The following ZNRF2 variants were observed in gnomAD, a reference collection of about 807,000 sequenced individuals.
ZNRF2 encodes E3 ubiquitin-protein ligase ZNRF2.
ZNRF2 carries 16 observed loss-of-function variants against 20.4 expected under a neutral mutation model. That is an observed-to-expected ratio of 0.79 (90% CI 0.53 to 1.19). ZNRF2 has a LOEUF of 1.19. Among genes scored for constraint, ZNRF2 ranks in the 50% most tolerant of loss-of-function variants. The pLI, the probability that ZNRF2 is intolerant of heterozygous loss-of-function variation, is 0.00. For missense variants in ZNRF2, 363 were observed against 332.4 expected (o/e 1.09, Z -0.72); for synonymous variants, 178 against 144.9 (o/e 1.23, Z -1.64).
intron 1 of ZNRF2, among the ~76,000 whole-genome samples, chr7:30,315,312 T>C (rs1431688361): frequency 1.3e-5 from 2 of 152,242 alleles, no homozygotes. Flanking sequence ...AGACCCCCTA[T>C]GATTGTTGCA....
intron 1 of ZNRF2, among the ~76,000 whole-genome samples, chr7:30,315,987 A>C (rs189112288): frequency 6.6e-6 from 1 of 152,172 alleles, no homozygotes; most frequent in Non-Finnish European, 1.5e-5. Flanking sequence ...TATGAAAAAA[A>C]TAAAGTAAAA....
chr7:30,311,830 T>C (rs994294821), intron 1 of ZNRF2, among the ~76,000 whole-genome samples: 5 of 152,188 alleles, frequency 3.3e-5, no homozygotes, highest in African/African-American at 1.2e-4. Context: ...ACGTTACTGA[T>C]TACAGTCAGG....
intron 4 of ZNRF2, among the ~76,000 whole-genome samples, chr7:30,364,661 A>G (rs1195721010): frequency 3.3e-5 from 5 of 152,218 alleles, no homozygotes; most frequent in Admixed American, 3.3e-4. Context: ...CTAAAATTAT[A>G]GAAGCATTTT....
intron 2 of ZNRF2, among the ~76,000 whole-genome samples, chr7:30,334,448 CT>C (rs1799686841): frequency 6.6e-6 from 1 of 152,034 alleles, no homozygotes; most frequent in Admixed American, 6.6e-5. Flanking sequence ...GCATTGTTCT[CT>C]TTGCTTAGGT....
chr7:30,323,355 C>T (rs116960225), intron 1 of ZNRF2, among the ~76,000 whole-genome samples: 1,869 of 152,156 alleles, frequency 0.012, 16 homozygotes, highest in South Asian at 0.041. Context: ...AAATTAAAAA[C>T]GAGAATACCT....
At chr7:30,359,779 G>A (rs1029671336) in intron 3 of ZNRF2, among the ~76,000 whole-genome samples, 9 of 152,040 alleles carry the variant, frequency 5.9e-5, no homozygotes, top group African/African-American at 9.7e-5. Flanking sequence ...ATTTACAGTC[G>A]TGTTCTATTT....
At chr7:30,295,050 A>AGAGAGAGAGAGAGAGT (rs1412764480) in intron 1 of ZNRF2, among the ~76,000 whole-genome samples, 7 of 38,282 alleles carry the variant, frequency 1.8e-4, no homozygotes, top group South Asian at 1.1e-3. Flanking sequence ...AGAGAGAGAG[A>AGAGAGAGAGAGAGAGT]GTGTGTGTGT....
intron 3 of ZNRF2, among the ~76,000 whole-genome samples, chr7:30,362,066 G>C (rs1366949868): frequency 6.6e-6 from 1 of 152,082 alleles, no homozygotes; most frequent in African/African-American, 2.4e-5. Context: ...GTTTTGAAAA[G>C]AAAAATTATG....
chr7:30,309,686 G>C (rs1445743000), intron 1 of ZNRF2, among the ~76,000 whole-genome samples: 4 of 152,196 alleles, frequency 2.6e-5, no homozygotes, highest in African/African-American at 9.6e-5. Context: ...AAGAAGGAAA[G>C]TACAGGAAAC....
Position 30,323,717 on chromosome 7 carries a change from A to G in ZNRF2, c.545A>G (p.Lys182Arg). 6.3e-7 allele frequency: 1 copy of G among 1,593,902 alleles called. No individual in the cohort carries two copies. Among genetic ancestry groups the G allele is most frequent in the Non-Finnish European group, 8.5e-7 (1 of 1,171,764 alleles). The change falls in exon 2 of 5, where the codon AAG (lysine) becomes AGG (arginine). Residue 182 changes from lysine (K) to arginine (R), a missense_variant. Coordinates refer to ENST00000323037, the MANE Select transcript of ZNRF2 (RefSeq NM_147128.4). ...TTGCATCTTGTAATGTGTTTAACAAAGCCACGAATAACCTATAATGGTAAG... is the reference window on the plus strand; with the variant it reads ...TTGCATCTTGTAATGTGTTTAACAAGGCCACGAATAACCTATAATGGTAAG... ...MDLHLVMCLT[K>R]PRITYNEDVL...
chr7:30,342,882 T>C (rs1463007778), intron 2 of ZNRF2, among the ~76,000 whole-genome samples: 1 of 152,142 alleles, frequency 6.6e-6, no homozygotes, highest in East Asian at 1.9e-4. Context: ...TTTATCCAAG[T>C]GTAGAGGACT....
chr7:30,319,269 A>G (rs759030344), intron 1 of ZNRF2, among the ~76,000 whole-genome samples: 1 of 152,224 alleles, frequency 6.6e-6, no homozygotes, highest in Non-Finnish European at 1.5e-5. Context: ...TTTACAAAGA[A>G]TAAGAGTTGT....
chr7:30,358,986 A>C (rs1005754558), intron 3 of ZNRF2, among the ~76,000 whole-genome samples: 2 of 152,234 alleles, frequency 1.3e-5, no homozygotes, highest in Admixed American at 1.3e-4. Context: ...TAAATGTTGA[A>C]TAAATGAAAA....
rs1273324638 is a variant in ZNRF2 at position 30,285,944 on chromosome 7, C to T, written c.469+118C>T. ...CTTCTGCCGGGGCGCCGGGGGCTGC[C>T]TCCCGGACCAGCCCGCGTCGGTCTC... On this transcript the variant is annotated intron_variant, in intron 1 of 4. Coordinates refer to ENST00000323037, the MANE Select transcript of ZNRF2 (RefSeq NM_147128.4). 1.7e-5 allele frequency: 22 copies of T among 1,325,128 alleles called. No individual in the cohort carries two copies. In the Admixed American group the frequency reaches 5.8e-4, roughly 35 times the overall value. 82.1% of individuals were successfully genotyped at this position (1,325,128 alleles called of 1,614,324 possible).
chr7:30,312,385 A>G (rs1349754838), intron 1 of ZNRF2, among the ~76,000 whole-genome samples: 1 of 152,176 alleles, frequency 6.6e-6, no homozygotes, highest in East Asian at 1.9e-4. Context: ...GTTCATGTGC[A>G]TATGTATGTG....
At chr7:30,365,221 A>G (rs1046244694) in intron 4 of ZNRF2, among the ~76,000 whole-genome samples, 1 of 141,802 alleles carries the variant, frequency 7.1e-6, no homozygotes, top group Non-Finnish European at 1.5e-5. Context: ...CATCAGCTAA[A>G]TTTTTCCTTT....
chr7:30,295,044 A>AGT (rs1798991028), intron 1 of ZNRF2, among the ~76,000 whole-genome samples: 12 of 111,794 alleles, frequency 1.1e-4, no homozygotes, highest in South Asian at 3.0e-4. Flanking sequence ...AGAGAGAGAG[A>AGT]GAGAGAGTGT....
rs866599075 is a variant in ZNRF2 at position 30,295,100 on chromosome 7, T to A, written c.469+9274T>A. Among the ~76,000 whole-genome samples, 89 of 136,184 alleles carry A rather than the reference T, an allele frequency of 6.5e-4. 1 individual carries two copies. The highest frequency in any genetic ancestry group is 1.5e-3 in the African/African-American group (53 of 34,490). 89.3% of individuals were successfully genotyped at this position (136,184 alleles called of 152,430 possible). On this transcript the variant is annotated intron_variant, in intron 1 of 4. Coordinates refer to ENST00000323037, the MANE Select transcript of ZNRF2 (RefSeq NM_147128.4). ...GTGTGTGTGTGTGTGTGTGTGTGTGTGATTGCAGGTGTCAGCCACTGCCCC... is the reference window on the plus strand; with the variant it reads ...GTGTGTGTGTGTGTGTGTGTGTGTGAGATTGCAGGTGTCAGCCACTGCCCC...
intron 2 of ZNRF2, among the ~76,000 whole-genome samples, chr7:30,338,371 C>T (rs112995369): frequency 0.054 from 8,169 of 151,460 alleles, 311 homozygotes; most frequent in East Asian, 0.16. Flanking sequence ...TTGCTGCACC[C>T]ATCAACCCTT....
Sources: allele counts gnomAD v4.1 joint callset (sites outside exome capture counted in the v4.1 genomes callset), GRCh38; gene constraint gnomAD v4.1.1; transcripts MANE v1.5; gene names NCBI Gene and HGNC (gene_info 2026-07-23, HGNC 2026-07-21).